TUBA1C: variants seen among roughly 807,000 people sequenced by gnomAD.
The protein encoded by TUBA1C is tubulin alpha 1c.
Under a neutral mutation model 34.9 loss-of-function variants are expected in TUBA1C, and 16 were observed. That is an observed-to-expected ratio of 0.46 (90% confidence interval 0.31 to 0.70). TUBA1C has a LOEUF of 0.70. Among genes scored for constraint, TUBA1C ranks in the 30% least tolerant of loss-of-function variants. The probability of loss-of-function intolerance (pLI) is 0.05; values close to 1 mark genes in which losing one functional copy is unlikely to be tolerated. For missense variants in TUBA1C, 329 were observed against 587.3 expected (o/e 0.56, Z 4.55); for synonymous variants, 177 against 215.9 (o/e 0.82, Z 1.58).
In TUBA1C at chr12:49,255,042, C is replaced by T. The variant is rs531864363; in HGVS notation, c.214-14423C>T. On this transcript the variant is annotated intron_variant, in intron 1 of 3. Transcript: ENST00000541364. ...TCAAGTGATCCTACCACTTCAGCCT[C>T]CCAAATTGCTGGGATTACAGGCTTG... is the stretch of plus-strand genomic sequence containing the variant. Among the ~76,000 whole-genome samples the T allele has an allele frequency of 6.6e-5, 10 of 152,118 alleles. No individual in the cohort carries two copies. The East Asian group carries it at 1.5e-3, about 23-fold the overall frequency.
intron 1 of TUBA1C, among the ~76,000 whole-genome samples, chr12:49,245,891 T>G (rs985709399): frequency 6.6e-6 from 1 of 152,130 alleles, no homozygotes; most frequent in African/African-American, 2.4e-5. Context: ...GGGCCTAAGA[T>G]TGCCACATAC....
chr12:49,267,193 G>C (rs530381212), intron 1 of TUBA1C, among the ~76,000 whole-genome samples: 1 of 152,320 alleles, frequency 6.6e-6, no homozygotes, highest in South Asian at 2.1e-4. Flanking sequence ...ACTGAGCAAT[G>C]AAAGAAAAAT....
intron 1 of TUBA1C, among the ~76,000 whole-genome samples, chr12:49,248,789 A>G (rs1942702147): frequency 6.8e-6 from 1 of 147,604 alleles, no homozygotes; most frequent in South Asian, 2.2e-4. Context: ...AATGGCGTGA[A>G]CCCGGGAGGC....
chr12:49,261,546 C>G (rs1942840585), upstream of TUBA1C, among the ~76,000 whole-genome samples: 2 of 152,098 alleles, frequency 1.3e-5, no homozygotes, highest in Non-Finnish European at 2.9e-5. Flanking sequence ...ATAATAAATA[C>G]CTTTGTAAAA....
intron 1 of TUBA1C, among the ~76,000 whole-genome samples, chr12:49,244,965 AC>A (rs1178405972): frequency 1.8e-4 from 27 of 152,274 alleles, no homozygotes; most frequent in Admixed American, 7.9e-4. Context: ...CAGAAAAAAA[AC>A]AAGACTTGGA....
At chr12:49,269,721 AG>A in intron 2 of TUBA1C, 34 bp downstream of exon 2, 1 of 1,613,046 alleles carries the variant, frequency 6.2e-7, no homozygotes, top group Non-Finnish European at 8.5e-7. Context: ...GTGAGATCCC[AG>A]GGTGCTGGGA....
At chr12:49,228,643 C>T (rs989429382) in intron 1 of TUBA1C, among the ~76,000 whole-genome samples, 4 of 152,126 alleles carry the variant, frequency 2.6e-5, no homozygotes, top group African/African-American at 9.7e-5. Context: ...CTGTTATCAG[C>T]AAATATTATA....
At chr12:49,235,670 T>TA (rs1208435789) in intron 1 of TUBA1C, among the ~76,000 whole-genome samples, 1 of 149,622 alleles carries the variant, frequency 6.7e-6, no homozygotes, top group Non-Finnish European at 1.5e-5. Flanking sequence ...AGGCGAAAGT[T>TA]ACAGTTCGCC....
intron 1 of TUBA1C, among the ~76,000 whole-genome samples, chr12:49,234,715 T>C (rs556244608): frequency 1.4e-4 from 22 of 152,380 alleles, no homozygotes; most frequent in Non-Finnish European, 2.8e-4. Flanking sequence ...AGAAGCGGCC[T>C]TTCTTCACAT....
At chr12:49,269,323 A>G (rs1942956995) in intron 1 of TUBA1C, 142 bp from the exon 2 acceptor site, 1 of 1,383,418 alleles carries the variant, frequency 7.2e-7, no homozygotes, top group African/African-American at 1.4e-5. Context: ...TCAGCCTCCC[A>G]AAGTACTGGG....
Position 49,255,130 on chromosome 12 carries a change from G to T in TUBA1C, c.214-14335G>T, listed in dbSNP as rs542053607. ...TCTTATCCTCACACCAAATGCAGAT[G>T]GAGAAACTCACCCAAAATACAACTA... is the stretch of plus-strand genomic sequence containing the variant. On this transcript the variant is annotated intron_variant, in intron 1 of 3. Transcript: ENST00000541364. 2.6e-5 allele frequency among the ~76,000 whole-genome samples: 4 copies of T among 151,800 alleles called. No individual in the cohort carries two copies. The East Asian group carries it at 7.8e-4, about 29-fold the overall frequency.
upstream of TUBA1C, among the ~76,000 whole-genome samples, chr12:49,261,247 TATTG>T (rs1942837849): frequency 6.6e-6 from 1 of 152,078 alleles, no homozygotes; most frequent in East Asian, 1.9e-4. Flanking sequence ...AAAAAATGCT[TATTG>T]TAAAGAAGGT....
At chr12:49,245,968 G>A (rs376876843) in intron 1 of TUBA1C, among the ~76,000 whole-genome samples, 1 of 152,136 alleles carries the variant, frequency 6.6e-6, no homozygotes, top group Admixed American at 6.5e-5. Context: ...GCAGTGGCAC[G>A]ATCTCGGCTA....
Position 49,265,107 on chromosome 12 carries a change from T to C in TUBA1C, c.-75T>C, listed in dbSNP as rs1291041571. On this transcript the variant is annotated 5_prime_UTR_variant, in exon 1 of 4. Coordinates refer to ENST00000301072, the MANE Select transcript of TUBA1C (RefSeq NM_032704.5). ...ACTACTTCTCCCCCGGACTCCTTGG[T>C]AGTCTGTTAGTGGGAGATCCTTGTT... is the stretch of plus-strand genomic sequence containing the variant. 3.9e-6 allele frequency: 6 copies of C among 1,549,620 alleles called. No individual in the cohort carries two copies. Among genetic ancestry groups the C allele is most frequent in the Non-Finnish European group, 5.3e-6 (6 of 1,140,314 alleles).
chr12:49,270,749 G>C (rs1259146242), intron 3 of TUBA1C, among the ~76,000 whole-genome samples: 1 of 152,198 alleles, frequency 6.6e-6, no homozygotes, highest in Non-Finnish European at 1.5e-5. Context: ...GGGAGGCCAA[G>C]GTGGGCGGAT....
At chr12:49,269,791 C>T in intron 2 of TUBA1C, 37 bp from the exon 3 acceptor site, 1 of 1,613,914 alleles carries the variant, frequency 6.2e-7, no homozygotes, top group Non-Finnish European at 8.5e-7. Context: ...CTCCCCGCTC[C>T]TTGTCCCTCC....
intron 1 of TUBA1C, among the ~76,000 whole-genome samples, chr12:49,235,605 C>G (rs1020680739): frequency 1.3e-5 from 2 of 151,918 alleles, no homozygotes; most frequent in African/African-American, 4.8e-5. Context: ...CCTGGTGGTG[C>G]GCGCCTGTAA....
chr12:49,248,916 C>G (rs1942704894), intron 1 of TUBA1C, among the ~76,000 whole-genome samples: 1 of 149,122 alleles, frequency 6.7e-6, no homozygotes, highest in African/African-American at 2.5e-5. Context: ...AGAAAGAGAT[C>G]TGGGAAATCC....
chr12:49,261,942 T>G (rs1942844201), upstream of TUBA1C, among the ~76,000 whole-genome samples: 2 of 152,126 alleles, frequency 1.3e-5, no homozygotes. Flanking sequence ...GTCAAGATGT[T>G]GACTGAGGAA....
Sources: gnomAD v4.1 joint callset for allele counts (sites outside exome capture counted in the v4.1 genomes callset) on GRCh38, gnomAD v4.1.1 for gene constraint, MANE v1.5 for transcripts, NCBI Gene and HGNC (gene_info 2026-07-23, HGNC 2026-07-21) for gene names.